WWOX: variants seen among roughly 807,000 people sequenced by gnomAD.
WWOX encodes the protein WW domain-containing oxidoreductase.
WWOX carries 69 observed loss-of-function variants against 46.2 expected under a neutral mutation model. That is an observed-to-expected ratio of 1.49 (90% CI 1.23 to 1.82). The LOEUF (loss-of-function observed/expected upper bound fraction) is 1.82, where lower values mean the gene tolerates loss of function less well. WWOX is among the 40% of genes most tolerant of loss of function. The probability of loss-of-function intolerance (pLI) is 0.00; values close to 1 mark genes in which losing one functional copy is unlikely to be tolerated. For missense variants in WWOX, 919 were observed against 542.6 expected (o/e 1.69, Z -6.89); for synonymous variants, 359 against 202.6 (o/e 1.77, Z -6.56).
intron 8 of WWOX, among the ~76,000 whole-genome samples, chr16:79,021,281 G>A (rs776078551): frequency 3.9e-5 from 6 of 152,068 alleles, no homozygotes; most frequent in Non-Finnish European, 8.8e-5. Flanking sequence ...AAGGTGCTAG[G>A]GTAAGGCACG....
intron 8 of WWOX, among the ~76,000 whole-genome samples, chr16:78,566,408 G>C (rs1382060432): frequency 6.6e-6 from 1 of 152,164 alleles, no homozygotes; most frequent in Non-Finnish European, 1.5e-5. Flanking sequence ...AACCAGGAGA[G>C]GGTCCTCTGG....
At chr16:78,179,811 C>T (rs903956333) in intron 5 of WWOX, 1 of 152,166 alleles carries the variant, frequency 6.6e-6, no homozygotes, top group Non-Finnish European at 1.5e-5. Context: ...GATGTGGAAG[C>T]CTTGCTTGTC....
chr16:78,824,847 C>A (rs1415424899), intron 8 of WWOX, among the ~76,000 whole-genome samples: 3 of 152,146 alleles, frequency 2.0e-5, no homozygotes, highest in Non-Finnish European at 4.4e-5. Context: ...CAAAGCATAT[C>A]AGGGTCCTAG....
At chr16:78,742,751 G>C (rs939552230) in intron 8 of WWOX, among the ~76,000 whole-genome samples, 2 of 152,128 alleles carry the variant, frequency 1.3e-5, no homozygotes, top group African/African-American at 4.8e-5. Context: ...TTGGTTTATC[G>C]TGTGAGTTTC....
chr16:78,626,088 C>G (rs750514783), intron 8 of WWOX, among the ~76,000 whole-genome samples: 1 of 151,564 alleles, frequency 6.6e-6, no homozygotes, highest in Non-Finnish European at 1.5e-5. Flanking sequence ...TACCTAATGA[C>G]TTTTTTGTGT....
intron 8 of WWOX, among the ~76,000 whole-genome samples, chr16:78,662,861 C>T (rs1181309637): frequency 6.6e-6 from 1 of 152,068 alleles, no homozygotes; most frequent in East Asian, 1.9e-4. Context: ...TGGGCCTCTG[C>T]AAAAGGCAGC....
intron 8 of WWOX, among the ~76,000 whole-genome samples, chr16:79,040,767 A>C (rs115564943): frequency 0.073 from 11,019 of 151,750 alleles, 507 homozygotes; most frequent in African/African-American, 0.14. Context: ...GGAACCTGAC[A>C]CTCTTAGACC....
chr16:79,058,462 A>G (rs74034332), intron 8 of WWOX, among the ~76,000 whole-genome samples: 18,329 of 151,954 alleles, frequency 0.12, 2,176 homozygotes, highest in African/African-American at 0.3. Context: ...AGAAGGAAGG[A>G]AGAGAGAGAG....
chr16:78,842,180 A>G (rs1440868949), intron 8 of WWOX, among the ~76,000 whole-genome samples: 1 of 152,146 alleles, frequency 6.6e-6, no homozygotes, highest in Non-Finnish European at 1.5e-5. Context: ...GCAGTGGAAC[A>G]CTTGAAGAGG....
At chr16:78,881,329 A>T (rs1228533257) in intron 8 of WWOX, among the ~76,000 whole-genome samples, 8 of 152,150 alleles carry the variant, frequency 5.3e-5, no homozygotes, top group African/African-American at 1.9e-4. Flanking sequence ...CTACATAGTT[A>T]CTGCTGCCCA....
chr16:78,541,299 C>A (rs571665562), intron 8 of WWOX, among the ~76,000 whole-genome samples: 13 of 150,446 alleles, frequency 8.6e-5, no homozygotes, highest in Non-Finnish European at 1.9e-4. Context: ...ACGGTGAAAC[C>A]CCGTCTCTAC....
chr16:78,864,377 C>T (rs1028324834), intron 8 of WWOX, among the ~76,000 whole-genome samples: 1 of 151,946 alleles, frequency 6.6e-6, no homozygotes, highest in Non-Finnish European at 1.5e-5. Flanking sequence ...AAGCCATCCT[C>T]CCACCTCAGC....
chr16:79,031,835 A>G (rs1345942357), intron 8 of WWOX, among the ~76,000 whole-genome samples: 1 of 141,776 alleles, frequency 7.1e-6, no homozygotes, highest in African/African-American at 2.6e-5. Flanking sequence ...TATATGATAT[A>G]TATATCTTAT....
chr16:78,878,920 A>C (rs1450359935), intron 8 of WWOX, among the ~76,000 whole-genome samples: 1 of 150,558 alleles, frequency 6.6e-6, no homozygotes, highest in African/African-American at 2.4e-5. Context: ...AAAAAAAAAA[A>C]GCCTGTCATA....
chr16:78,956,386 C>T (rs2046167265), intron 8 of WWOX, among the ~76,000 whole-genome samples: 1 of 152,088 alleles, frequency 6.6e-6, no homozygotes, highest in Non-Finnish European at 1.5e-5. Context: ...AACTCCTGAC[C>T]TCAAGTGATC....
intron 8 of WWOX, among the ~76,000 whole-genome samples, chr16:78,490,263 G>GAAGCCTTTTGAAGCATCAACC (rs763495190): frequency 0.13 from 20,235 of 151,848 alleles, 1,845 homozygotes; most frequent in African/African-American, 0.26. Context: ...AGCACCAACG[G>GAAGCCTTTTGAAGCATCAACC]AAGCCTTTTG....
chr16:79,120,455 C>G (rs1333664912), intron 8 of WWOX, among the ~76,000 whole-genome samples: 1 of 152,136 alleles, frequency 6.6e-6, no homozygotes, highest in Non-Finnish European at 1.5e-5. Context: ...GCCAAGAGCC[C>G]CCATTAGCAG....
At chr16:78,356,518 G>C (rs1186365271) in intron 5 of WWOX, among the ~76,000 whole-genome samples, 2 of 152,140 alleles carry the variant, frequency 1.3e-5, no homozygotes, top group Admixed American at 1.3e-4. Context: ...CATCTCCAGT[G>C]CTCTGAATGT....
At chr16:78,322,160 GT>G (rs1352173056) in intron 5 of WWOX, among the ~76,000 whole-genome samples, 1 of 152,102 alleles carries the variant, frequency 6.6e-6, no homozygotes, top group Non-Finnish European at 1.5e-5. Flanking sequence ...GGGATGGTTG[GT>G]GGGGGGAAGA....
Sources: allele counts gnomAD v4.1 joint callset (sites outside exome capture counted in the v4.1 genomes callset), GRCh38; gene constraint gnomAD v4.1.1; transcripts MANE v1.5; gene names NCBI Gene and HGNC (gene_info 2026-07-23, HGNC 2026-07-21).